COL16A1: variants seen among roughly 807,000 people sequenced by gnomAD.
COL16A1 encodes the protein collagen type XVI alpha 1 chain.
COL16A1 carries 189 observed loss-of-function variants against 266.3 expected under a neutral mutation model. That is an observed-to-expected ratio of 0.71 (90% CI 0.63 to 0.80). COL16A1 has a LOEUF of 0.80. Ranked by LOEUF, COL16A1 falls within the 30% of genes least tolerant of loss-of-function variation. The pLI, the probability that COL16A1 is intolerant of heterozygous loss-of-function variation, is 0.00. For synonymous variants in COL16A1, 740 were observed against 782.3 expected, an observed-to-expected ratio of 0.95 and a Z score of 0.90; for missense variants, 1,928 against 2,122.4, an observed-to-expected ratio of 0.91 and a Z score of 1.80.
chr1:31,701,292 C>G (rs575617565), intron 2 of COL16A1: 23 of 982,942 alleles, frequency 2.3e-5, no homozygotes, highest in Admixed American at 6.1e-5. Context: ...CCCATCCCCC[C>G]CAGGGGACCC....
chr1:31,675,097 T>G, intron 43 of COL16A1, 58 bp from the exon 44 acceptor site: 1 of 1,612,054 alleles, frequency 6.2e-7, no homozygotes, highest in African/African-American at 1.3e-5. Flanking sequence ...TGGAGACTTA[T>G]GGGATCAGGG....
intron 59 of COL16A1, 66 bp downstream of exon 59, chr1:31,661,594 G>A (rs1641670380): frequency 6.8e-6 from 11 of 1,612,202 alleles, no homozygotes; most frequent in Middle Eastern, 1.6e-4. Context: ...GATTTGAGCT[G>A]TTGCAGCCAC....
chr1:31,702,721 A>G (rs559706523), intron 1 of COL16A1, among the ~76,000 whole-genome samples: 1 of 152,148 alleles, frequency 6.6e-6, no homozygotes, highest in South Asian at 2.1e-4. Context: ...AAGCCCTCCC[A>G]GGCACCCACA....
rs757716860 is a variant in COL16A1, at chr1:31,684,866, A to G, written c.2017-10T>C. On this transcript the variant is annotated splice_polypyrimidine_tract_variant and intron_variant, in intron 29 of 70. Coordinates refer to ENST00000373672, the MANE Select transcript of COL16A1 (RefSeq NM_001856.4). ...GCTCTCCAGCCTTGCCCTGAGGAGA[A>G]AGCATTTCCAGCACCCGCTCACTCA... 2.0e-5 allele frequency: 32 copies of G among 1,613,558 alleles called. No individual in the cohort carries two copies. Among genetic ancestry groups the G allele is most frequent in the Non-Finnish European group, 2.6e-5 (31 of 1,180,004 alleles).
At position 31,668,920 on chromosome 1, in the gene COL16A1, C is replaced by T; in HGVS notation, c.3196-65G>A. The T allele has an allele frequency of 4.4e-6, 6 of 1,354,438 alleles. No individual in the cohort carries two copies. The highest frequency in any genetic ancestry group is 1.3e-5 in the South Asian group (1 of 79,982). The allele number at this position is 1,354,438 out of a possible 1,614,324, so 83.9% of individuals were successfully genotyped here. ...GTCCCCACCCAGCCCCTGACTCCTT[C>T]CCCCTGCCCCACTGCCTTCTGTTCC... On this transcript the variant is annotated intron_variant, in intron 49 of 70. Coordinates refer to ENST00000373672, the MANE Select transcript of COL16A1 (RefSeq NM_001856.4). The surrounding 1 kb of genome is among the most constrained non-coding windows in gnomAD (Gnocchi z 5.8).
chr1:31,673,275 AG>A (rs764716106), intron 44 of COL16A1: 154 of 274,374 alleles, frequency 5.6e-4, no homozygotes, highest in Non-Finnish European at 1.0e-3. Flanking sequence ...GGCCCTTCCC[AG>A]GAGCCCCTGG....
chr1:31,671,445 G>A lies in COL16A1; in HGVS notation c.3150+170C>T, dbSNP rs12081484. Among the ~76,000 whole-genome samples, 241 of 152,310 alleles carry A rather than the reference G, an allele frequency of 1.6e-3. 2 individuals are homozygous for A. The highest frequency in any genetic ancestry group is 5.6e-3 in the African/African-American group (231 of 41,572). On this transcript the variant is annotated intron_variant, in intron 48 of 70. Transcript: ENST00000373672. ...CAGGGCGGTTCCAGGGCATCCGGTGGTGGGAGAGCACAGTCCCTGCAGATG... is the reference window on the plus strand; with the variant it reads ...CAGGGCGGTTCCAGGGCATCCGGTGATGGGAGAGCACAGTCCCTGCAGATG...
chr1:31,672,907 G>C (rs749046666), intron 44 of COL16A1, 67 bp from the exon 45 acceptor site: 2 of 1,460,694 alleles, frequency 1.4e-6, no homozygotes, highest in Admixed American at 1.8e-5. Flanking sequence ...CAACTGGGGA[G>C]CCCCAGTGAG....
Position 31,685,730 on chromosome 1 carries a change from T to C in COL16A1, c.1925A>G (p.Gln642Arg), listed in dbSNP as rs201027788. ...CEPCPALSNL[Q>R]DGDVRVVALP... ...GGCCACCACACGGACATCCCCATCC[T>C]GAAGGTTGGACAGGGCTGGGCACGG... The change falls in exon 29 of 71, where the codon CAG becomes CGG. Residue 642 changes from glutamine to arginine, a missense_variant. Around this residue, in one of 2 missense-constraint regions of COL16A1, gnomAD observed 1,552 missense variants for 1,637.2 expected, o/e 0.95. Transcript: ENST00000373672. The surrounding 1 kb of genome is among the most constrained non-coding windows in gnomAD (Gnocchi z 4.0). The C allele has an allele frequency of 9.8e-5, 158 of 1,613,844 alleles. 1 individual carries two copies. The South Asian group carries it at 1.0e-3, about 11-fold the overall frequency.
intron 12 of COL16A1, 49 bp from the exon 13 acceptor site, chr1:31,693,203 A>G: frequency 1.6e-6 from 2 of 1,266,472 alleles, no homozygotes; most frequent in Non-Finnish European, 2.3e-6. Flanking sequence ...GGCACATGGG[A>G]GCCTTGAGAA....
chr1:31,660,865 A>G (rs1296208611), intron 61 of COL16A1, among the ~76,000 whole-genome samples: 2 of 152,186 alleles, frequency 1.3e-5, no homozygotes, highest in African/African-American at 4.8e-5. Flanking sequence ...TGACCCAGTA[A>G]CCTCCAGGGA....
chr1:31,692,665 G>A, intron 14 of COL16A1, 23 bp from the exon 15 acceptor site: 1 of 1,614,070 alleles, frequency 6.2e-7, no homozygotes, highest in Non-Finnish European at 8.5e-7. Flanking sequence ...ACACAGTGTT[G>A]AGAGGGGCAG....
chr1:31,667,550 C>G, intron 52 of COL16A1, 25 bp downstream of exon 52: 7 of 1,577,128 alleles, frequency 4.4e-6, no homozygotes, highest in African/African-American at 1.3e-5. Context: ...AGCCCTGCAT[C>G]CAGCCCCACG....
Position 31,691,509 on chromosome 1 carries a change from C to T in COL16A1, c.1306G>A (p.Asp436Asn), listed in dbSNP as rs780791919. 2 of 1,613,842 alleles carry T rather than the reference C, an allele frequency of 1.2e-6. No individual in the cohort carries two copies. The highest frequency in any genetic ancestry group is 2.2e-5 in the East Asian group (1 of 44,864). Reference sequence around the variant, plus strand: ...CCCTCAGGCCCAACAAAGCCAGGGTCTCCCTGGCACAGACATAAGGTGGGC... The same window carrying T: ...CCCTCAGGCCCAACAAAGCCAGGGTTTCCCTGGCACAGACATAAGGTGGGC... ...CVIGPKGQKGDPGFVGPEGLA... is the reference protein window; with the variant it reads ...CVIGPKGQKGNPGFVGPEGLA... Residue 436 changes from aspartate (D) to asparagine (N), a missense_variant, in exon 19 of 71, where the codon GAC (aspartate) becomes AAC (asparagine). By Grantham distance (23) the Asp-to-Asn change is conservative. This residue lies in a region of COL16A1 where 1,552 missense variants were observed against 1,637.2 expected (regional missense o/e 0.95). Transcript: ENST00000373672.
In COL16A1 at chr1:31,697,289, C is replaced by T; in HGVS notation, c.669G>A (p.Gln223=). ...EQGKPVSFDL[Q]QVHIYCDPEL... ...CCGGGTCACAGTAGATGTGCACCTGCTGAAGGTCAAACTGCAGGAGACACA... is the reference window on the plus strand; with the variant it reads ...CCGGGTCACAGTAGATGTGCACCTGTTGAAGGTCAAACTGCAGGAGACACA... Residue 223 remains glutamine (Q), a synonymous_variant, in exon 7 of 71, where the codon CAG becomes CAA. Transcript: ENST00000373672. The surrounding 1 kb of genome is among the most constrained non-coding windows in gnomAD (Gnocchi z 4.2). 6.2e-7 allele frequency: 1 copy of T among 1,609,574 alleles called. No individual in the cohort carries two copies. The highest frequency in any genetic ancestry group is 8.5e-7 in the Non-Finnish European group (1 of 1,177,828).
Position 31,656,216 on chromosome 1 carries a change from C to A in COL16A1, c.4101+184G>T. On this transcript the variant is annotated intron_variant, in intron 66 of 70. Transcript: ENST00000373672. This position sits in a 1 kb window ranked among gnomAD's most constrained non-coding sequence, Gnocchi z 4.2. ...TAAATGAACTGGAGATTTCCTTCCC[C>A]CCAACCACAGCTAATGACCCCATGT... 1.1e-6 allele frequency: 1 copy of A among 906,768 alleles called. No individual in the cohort carries two copies. The highest frequency in any genetic ancestry group is 1.7e-6 in the Non-Finnish European group (1 of 601,452). 56.2% of individuals were successfully genotyped at this position (906,768 alleles called of 1,614,324 possible). A position where few individuals can be genotyped will look rare whatever the true frequency, so the allele number is the denominator to read the frequency against.
At chr1:31,665,380 TG>T (rs1309165116) in intron 55 of COL16A1, 146 bp from the exon 56 acceptor site, 1 of 1,406,244 alleles carries the variant, frequency 7.1e-7, no homozygotes, top group Non-Finnish European at 9.6e-7. Context: ...TACGTCTGCC[TG>T]GCCTGCTGGG....
In COL16A1 at chr1:31,698,323, C is replaced by T. The variant is rs1004068359; in HGVS notation, c.391-151G>A. On this transcript the variant is annotated intron_variant, in intron 5 of 70. Coordinates refer to ENST00000373672, the MANE Select transcript of COL16A1 (RefSeq NM_001856.4). The surrounding 1 kb of genome is among the most constrained non-coding windows in gnomAD (Gnocchi z 4.1). ...GGCTGGGGTCAAGGAGCTATACATC[C>T]TGAAAGAATGAGGTAGGTACTGGTG... 2 of 1,531,066 alleles carry T rather than the reference C, an allele frequency of 1.3e-6. No homozygotes were observed. Among genetic ancestry groups the T allele is most frequent in the African/African-American group, 1.4e-5 (1 of 72,578 alleles). 94.8% of individuals were successfully genotyped at this position (1,531,066 alleles called of 1,614,324 possible). A position where few individuals can be genotyped will look rare whatever the true frequency, so the allele number is the denominator to read the frequency against.
intron 19 of COL16A1, 73 bp from the exon 20 acceptor site, chr1:31,691,299 C>T: frequency 1.3e-6 from 2 of 1,599,492 alleles, no homozygotes; most frequent in Non-Finnish European, 8.5e-7. Context: ...TACCCTCACC[C>T]TCTCCTCCAG....
Sources: allele counts gnomAD v4.1 joint callset (sites outside exome capture counted in the v4.1 genomes callset), GRCh38; gene constraint gnomAD v4.1.1; regional missense constraint gnomAD v4.1.1; non-coding constraint Gnocchi (gnomAD v3.1); transcripts MANE v1.5; gene names NCBI Gene and HGNC (gene_info 2026-07-23, HGNC 2026-07-21).